The following FMNL3 variants were observed in gnomAD, a reference collection of about 807,000 sequenced individuals.
The protein encoded by FMNL3 is formin like 3, also known as formin-like protein 3.
FMNL3 carries 57 observed loss-of-function variants against 119.6 expected under a neutral mutation model. The ratio of observed to expected loss-of-function variants is 0.48; its 90% CI spans 0.39 to 0.59. The LOEUF is 0.59. Among genes scored for constraint, FMNL3 ranks in the 20% least tolerant of loss-of-function variants. The pLI, the probability that FMNL3 is intolerant of heterozygous loss-of-function variation, is 0.00. For missense variants in FMNL3, 1,053 were observed against 1,323.5 expected, an observed-to-expected ratio of 0.80 and a Z score of 3.17; for synonymous variants, 491 against 507.3, an observed-to-expected ratio of 0.97 and a Z score of 0.43.
chr12:49,643,429 G>C lies in FMNL3; in HGVS notation c.*2386C>G, dbSNP rs990290046. 1 of 1,530,732 alleles carries C rather than the reference G, an allele frequency of 6.5e-7. No homozygotes were observed. Among genetic ancestry groups the C allele is most frequent in the African/African-American group, 1.4e-5 (1 of 72,062 alleles). The allele number at this position is 1,530,732 out of a possible 1,614,324, so 94.8% of individuals were successfully genotyped here. ...AGTTGCTGTGAGCGTAGAAGCTGGA[G>C]AACTGTTGTCCCAGACTGAGAGGAT... On this transcript the variant is annotated 3_prime_UTR_variant, in exon 26 of 26. Coordinates refer to ENST00000335154, the MANE Select transcript of FMNL3 (RefSeq NM_175736.5).
chr12:49,679,006 G>A (rs192270392), intron 1 of FMNL3, among the ~76,000 whole-genome samples: 61 of 152,286 alleles, frequency 4.0e-4, no homozygotes, highest in Non-Finnish European at 7.5e-4. Context: ...GGTGGCATAA[G>A]TAGGATAATA....
intron 1 of FMNL3, among the ~76,000 whole-genome samples, chr12:49,669,059 C>G (rs116188706): frequency 6.6e-6 from 1 of 152,054 alleles, no homozygotes; most frequent in Non-Finnish European, 1.5e-5. Flanking sequence ...CATCCATTCC[C>G]ATGGGCAAAT....
intron 1 of FMNL3, among the ~76,000 whole-genome samples, chr12:49,697,168 T>A (rs1288593730): frequency 6.6e-6 from 1 of 152,216 alleles, no homozygotes; most frequent in Non-Finnish European, 1.5e-5. Flanking sequence ...CTTGAGTAAC[T>A]GACCAGGGGG....
At position 49,644,500 on chromosome 12, in the gene FMNL3, C is replaced by A. The variant is rs1360322632; in HGVS notation, c.*1315G>T. The A allele has an allele frequency of 7.7e-6, 3 of 389,686 alleles. No individual in the cohort carries two copies. The highest frequency in any genetic ancestry group is 1.5e-5 in the Non-Finnish European group (3 of 204,012). The allele number at this position is 389,686 out of a possible 1,614,324, so 24.1% of individuals were successfully genotyped here. A position where few individuals can be genotyped will look rare whatever the true frequency, so the allele number is the denominator to read the frequency against. On this transcript the variant is annotated 3_prime_UTR_variant, in exon 26 of 26. Coordinates refer to ENST00000335154, the MANE Select transcript of FMNL3 (RefSeq NM_175736.5). ...GGGGTCTCCAGGGAAGAGTCACAGG[C>A]TGTTGGACGCAGCCTGGGTGGCAGA...
chr12:49,689,748 T>G (rs907005844), intron 1 of FMNL3, among the ~76,000 whole-genome samples: 1 of 152,194 alleles, frequency 6.6e-6, no homozygotes, highest in Non-Finnish European at 1.5e-5. Flanking sequence ...AAACTCAGTG[T>G]GTACTGGCCA....
At chr12:49,656,576 G>T in intron 8 of FMNL3, 79 bp from the exon 9 acceptor site, 2 of 1,342,438 alleles carry the variant, frequency 1.5e-6, no homozygotes, top group Non-Finnish European at 2.1e-6. Flanking sequence ...GACTGGGTAA[G>T]TCCTTTTGGA....
In FMNL3 at chr12:49,643,313, C is replaced by A; in HGVS notation, c.*2502G>T. ...GAACCCCTCAGAGTCAGGCTCTGAG[C>A]CCTCTTCCTCACTTGATTCAGTTGA... On this transcript the variant is annotated 3_prime_UTR_variant, in exon 26 of 26. Coordinates refer to ENST00000335154, the MANE Select transcript of FMNL3 (RefSeq NM_175736.5). 1 of 1,610,468 alleles carries A rather than the reference C, an allele frequency of 6.2e-7. No homozygotes were observed. Among genetic ancestry groups the A allele is most frequent in the Non-Finnish European group, 8.5e-7 (1 of 1,178,606 alleles).
At position 49,642,654 on chromosome 12, in the gene FMNL3, G is replaced by A. The variant is rs771402780; in HGVS notation, c.*3161C>T. 1 of 1,614,028 alleles carries A rather than the reference G, an allele frequency of 6.2e-7. No homozygotes were observed. The highest frequency in any genetic ancestry group is 8.5e-7 in the Non-Finnish European group (1 of 1,180,010). ...AGTCGGAGCGGATCCGGCTCTTCCG[G>A]GAGTTCCTACAGGTGCTGGAGGTGA... On this transcript the variant is annotated 3_prime_UTR_variant, in exon 26 of 26. Transcript: ENST00000335154. This position sits in a 1 kb window ranked among gnomAD's most constrained non-coding sequence, Gnocchi z 5.8.
At chr12:49,669,789 G>A (rs534558497) in intron 1 of FMNL3, among the ~76,000 whole-genome samples, 22 of 152,108 alleles carry the variant, frequency 1.4e-4, no homozygotes, top group African/African-American at 3.9e-4. Context: ...CCAAGATCAC[G>A]CCACTGCACT....
At position 49,645,095 on chromosome 12, in the gene FMNL3, G is replaced by A. The variant is rs1376645038; in HGVS notation, c.*720C>T. ...AATAGCCAAGACCACCATGCTCCTT[G>A]TCCCCTGCCAAAAAAAAAAAAAAAA... On this transcript the variant is annotated 3_prime_UTR_variant, in exon 26 of 26. Coordinates refer to ENST00000335154, the MANE Select transcript of FMNL3 (RefSeq NM_175736.5). 4 of 112,256 alleles carry A rather than the reference G, an allele frequency of 3.6e-5. No homozygotes were observed. Among genetic ancestry groups the A allele is most frequent in the African/African-American group, 1.7e-4 (4 of 24,192 alleles). 7.0% of individuals were successfully genotyped at this position (112,256 alleles called of 1,614,324 possible).
chr12:49,662,769 C>T (rs1053412357), intron 4 of FMNL3, among the ~76,000 whole-genome samples: 13 of 152,168 alleles, frequency 8.5e-5, no homozygotes, highest in African/African-American at 2.9e-4. Flanking sequence ...AGGACCATAT[C>T]CCAGGGCATT....
intron 4 of FMNL3, among the ~76,000 whole-genome samples, chr12:49,665,513 C>T (rs911944114): frequency 2.6e-5 from 4 of 152,238 alleles, no homozygotes; most frequent in Admixed American, 6.5e-5. Flanking sequence ...CCTCGCTTGG[C>T]CCAGCACCAG....
chr12:49,706,975 G>T, intron 1 of FMNL3, 80 bp downstream of exon 1: 1 of 1,462,278 alleles, frequency 6.8e-7, no homozygotes. Context: ...GGCGGGACGG[G>T]GGCCCAGCAC....
chr12:49,661,909 AT>A, intron 5 of FMNL3, 56 bp downstream of exon 5: 1 of 1,479,444 alleles, frequency 6.8e-7, no homozygotes, highest in Non-Finnish European at 9.5e-7. Flanking sequence ...TCAAAGTAGA[AT>A]GGAACTATGT....
Position 49,636,670 on chromosome 12 carries a change from G to GT in FMNL3, c.*9144dup. 1.2e-6 allele frequency: 2 copies of GT among 1,610,664 alleles called. No individual in the cohort carries two copies. The highest frequency in any genetic ancestry group is 4.5e-5 in the East Asian group (2 of 44,804). ...ATTAGGGGTGCTGGGGTCTGAGAGG[G>GT]TATCCTGCTGGGACAATGCCCGCGG... On this transcript the variant is annotated 3_prime_UTR_variant, in exon 26 of 26. Transcript: ENST00000335154.
intron 5 of FMNL3, among the ~76,000 whole-genome samples, chr12:49,660,730 G>A (rs1358158875): frequency 6.6e-6 from 1 of 152,264 alleles, no homozygotes; most frequent in African/African-American, 2.4e-5. Flanking sequence ...GCCAAAGCAG[G>A]GTGGATCGCT....
At chr12:49,651,668 G>A (rs1174984010) in intron 14 of FMNL3, among the ~76,000 whole-genome samples, 1 of 152,202 alleles carries the variant, frequency 6.6e-6, no homozygotes, top group Non-Finnish European at 1.5e-5. Context: ...TACAGTCTAA[G>A]CCTCTCCTTG....
intron 2 of FMNL3, among the ~76,000 whole-genome samples, chr12:49,667,988 C>T (rs1363151389): frequency 6.6e-6 from 1 of 152,186 alleles, no homozygotes; most frequent in Admixed American, 6.5e-5. Context: ...CTATTCTCTT[C>T]CAGCTCTCAA....
chr12:49,641,697 T>A lies in FMNL3; in HGVS notation c.*4118A>T. ...GGAGACATCTCCCAACCCCTTCAGC[T>A]CTGTGTGACATCCAAACCAAGGGTA... On this transcript the variant is annotated 3_prime_UTR_variant, in exon 26 of 26. Coordinates refer to ENST00000335154, the MANE Select transcript of FMNL3 (RefSeq NM_175736.5). 1 of 576,524 alleles carries A rather than the reference T, an allele frequency of 1.7e-6. No homozygotes were observed. The highest frequency in any genetic ancestry group is 3.1e-6 in the Non-Finnish European group (1 of 323,846). The allele number at this position is 576,524 out of a possible 1,614,324, so 35.7% of individuals were successfully genotyped here.
Sources: gnomAD v4.1 joint callset for allele counts (sites outside exome capture counted in the v4.1 genomes callset) on GRCh38, gnomAD v4.1.1 for gene constraint, Gnocchi (gnomAD v3.1) non-coding constraint, MANE v1.5 for transcripts, NCBI Gene and HGNC (gene_info 2026-07-23, HGNC 2026-07-21) for gene names.